Variants in MEGF11 observed in about 807,000 individuals in gnomAD.
The protein encoded by MEGF11 is multiple EGF like domains 11.
In MEGF11, 126 loss-of-function variants were observed where a neutral mutation model predicts 146.6. That is an observed-to-expected ratio of 0.86 (90% CI 0.74 to 1.00). MEGF11 has a LOEUF of 1.00. Ranked by LOEUF, MEGF11 falls within the 50% of genes least tolerant of loss-of-function variation. The probability of loss-of-function intolerance (pLI) is 0.00; values close to 1 mark genes in which losing one functional copy is unlikely to be tolerated. For synonymous variants in MEGF11, 532 were observed against 583.4 expected, an observed-to-expected ratio of 0.91 and a Z score of 1.27; for missense variants, 1,509 against 1,521.2, an observed-to-expected ratio of 0.99 and a Z score of 0.13.
intron 5 of MEGF11, among the ~76,000 whole-genome samples, chr15:66,090,822 ATAAAGT>A (rs1173932670): frequency 6.6e-6 from 1 of 152,254 alleles, no homozygotes; most frequent in African/African-American, 2.4e-5. Flanking sequence ...AGTGCATGAC[ATAAAGT>A]TAAATTTAAA....
intron 1 of MEGF11, among the ~76,000 whole-genome samples, chr15:66,241,258 G>A (rs1347064737): frequency 6.6e-6 from 1 of 152,234 alleles, no homozygotes; most frequent in African/African-American, 2.4e-5. Flanking sequence ...GCCCAGGGAG[G>A]GGCAGTGGAC....
chr15:65,936,386 A>G (rs2079789255), intron 10 of MEGF11, among the ~76,000 whole-genome samples: 1 of 152,204 alleles, frequency 6.6e-6, no homozygotes, highest in Non-Finnish European at 1.5e-5. Context: ...CTGCTGGTAC[A>G]TAATGGATCC....
At position 65,916,899 on chromosome 15, in the gene MEGF11, C is replaced by G; in HGVS notation, c.2144G>C (p.Gly715Ala). The change falls in exon 17 of 26, where the codon GGG (glycine) becomes GCG (alanine). Residue 715 changes from glycine (G) to alanine (A), a missense_variant. Coordinates refer to ENST00000395614, the MANE Select transcript of MEGF11 (RefSeq NM_001385028.1). ...ACFHACSCHN[G>A]ASCSAEDGAC... The stretch of plus-strand genomic sequence containing the variant: ...CCCGTCCTCGGCGCTGCAGCTCGCC[C>G]CGTTGTGGCAGCTGCATGCGTGGAA... 3 of 1,581,556 alleles carry G rather than the reference C, an allele frequency of 1.9e-6. No individual in the cohort carries two copies. The highest frequency in any genetic ancestry group is 2.6e-6 in the Non-Finnish European group (3 of 1,163,486).
chr15:66,108,068 A>G (rs1261677425), intron 4 of MEGF11, among the ~76,000 whole-genome samples: 2 of 152,200 alleles, frequency 1.3e-5, no homozygotes, highest in East Asian at 3.8e-4. Context: ...ATGGGGGTTC[A>G]AGGAGGCGAG....
chr15:66,194,356 C>T (rs925425658), intron 1 of MEGF11, among the ~76,000 whole-genome samples: 1 of 152,192 alleles, frequency 6.6e-6, no homozygotes, highest in African/African-American at 2.4e-5. Context: ...TGCCTGTAAT[C>T]CCAGCACTTT....
intron 1 of MEGF11, among the ~76,000 whole-genome samples, chr15:66,231,825 A>G (rs749268894): frequency 5.3e-5 from 8 of 152,172 alleles, no homozygotes; most frequent in African/African-American, 1.7e-4. Flanking sequence ...GAAAAATACA[A>G]TTTGCTTTGT....
intron 1 of MEGF11, among the ~76,000 whole-genome samples, chr15:66,213,519 T>C (rs1466443984): frequency 6.6e-6 from 1 of 152,088 alleles, no homozygotes; most frequent in Non-Finnish European, 1.5e-5. Context: ...GATAGTGATA[T>C]AGGCACTCCT....
chr15:66,245,471 G>GAA (rs5813388), intron 1 of MEGF11, among the ~76,000 whole-genome samples: 97 of 148,328 alleles, frequency 6.5e-4, no homozygotes, highest in African/African-American at 1.4e-3. Context: ...TGTAAAAAAA[G>GAA]AAAAAAAAAA....
At chr15:66,060,249 G>A (rs1267745792) in intron 5 of MEGF11, among the ~76,000 whole-genome samples, 1 of 152,046 alleles carries the variant, frequency 6.6e-6, no homozygotes, top group South Asian at 2.1e-4. Context: ...ACAGAGACAC[G>A]GCAAAAGCTG....
intron 1 of MEGF11, among the ~76,000 whole-genome samples, chr15:66,138,141 C>T (rs1055806505): frequency 2.0e-5 from 3 of 152,204 alleles, no homozygotes; most frequent in Non-Finnish European, 2.9e-5. Context: ...AACTCCTCCA[C>T]AGCTTACCCT....
intron 9 of MEGF11, 81 bp from the exon 10 acceptor site, chr15:65,957,802 G>A: frequency 3.6e-6 from 5 of 1,400,740 alleles, no homozygotes; most frequent in Non-Finnish European, 5.0e-6. Flanking sequence ...CCCCAAGCCT[G>A]GCTTGCCTAG....
intron 1 of MEGF11, among the ~76,000 whole-genome samples, chr15:66,214,876 G>T (rs59790844): frequency 6.6e-6 from 1 of 151,968 alleles, no homozygotes; most frequent in East Asian, 1.9e-4. Flanking sequence ...GTGGAAAGAA[G>T]ATGGGGGTAA....
chr15:66,012,892 C>T (rs546128610), intron 5 of MEGF11, among the ~76,000 whole-genome samples: 6 of 152,352 alleles, frequency 3.9e-5, no homozygotes, highest in East Asian at 3.9e-4. Flanking sequence ...GGCCAGCCCC[C>T]GCACAGGGGT....
At chr15:66,112,504 A>G (rs1490026685) in intron 4 of MEGF11, among the ~76,000 whole-genome samples, 1 of 152,236 alleles carries the variant, frequency 6.6e-6, no homozygotes, top group African/African-American at 2.4e-5. Context: ...GAATACGAGG[A>G]TCCAACATAT....
chr15:66,038,605 C>T (rs531591305), intron 5 of MEGF11, among the ~76,000 whole-genome samples: 2 of 152,210 alleles, frequency 1.3e-5, no homozygotes, highest in South Asian at 2.1e-4. Context: ...CAGTAATGTC[C>T]CCATTTTACA....
At chr15:65,968,000 C>G (rs1158489238) in intron 8 of MEGF11, among the ~76,000 whole-genome samples, 1 of 152,170 alleles carries the variant, frequency 6.6e-6, no homozygotes, top group Non-Finnish European at 1.5e-5. Context: ...GGCAACTGCT[C>G]CAAGCTCACG....
rs2078384175 is a variant in MEGF11, at chr15:65,897,667, G to A, written c.*267C>T. Reference sequence around the variant, plus strand: ...ATATCAGCTATATTTAGCTGATGTTGATGAGTAGCTGTATCTTAAAATGTT... The same window carrying A: ...ATATCAGCTATATTTAGCTGATGTTAATGAGTAGCTGTATCTTAAAATGTT... On this transcript the variant is annotated 3_prime_UTR_variant, in exon 26 of 26. Coordinates refer to ENST00000395614, the MANE Select transcript of MEGF11 (RefSeq NM_001385028.1). 1 of 268,350 alleles carries A rather than the reference G, an allele frequency of 3.7e-6. No homozygotes were observed. Among genetic ancestry groups the A allele is most frequent in the Non-Finnish European group, 6.9e-6 (1 of 144,178 alleles). 16.6% of individuals were successfully genotyped at this position (268,350 alleles called of 1,614,324 possible).
intron 1 of MEGF11, among the ~76,000 whole-genome samples, chr15:66,155,024 G>A (rs890079446): frequency 1.3e-5 from 2 of 152,220 alleles, no homozygotes; most frequent in African/African-American, 2.4e-5. Context: ...ACAGAGTCAG[G>A]ATGTCAGAGT....
chr15:66,070,210 CT>C (rs1364970570), intron 5 of MEGF11, among the ~76,000 whole-genome samples: 1 of 152,224 alleles, frequency 6.6e-6, no homozygotes, highest in Non-Finnish European at 1.5e-5. Context: ...CAGCTTTAAT[CT>C]TCGGAGATGT....
Sources: allele counts gnomAD v4.1 joint callset (sites outside exome capture counted in the v4.1 genomes callset), GRCh38; gene constraint gnomAD v4.1.1; transcripts MANE v1.5; gene names NCBI Gene and HGNC (gene_info 2026-07-23, HGNC 2026-07-21).